Variants in ATP6V1E2 observed in about 807,000 individuals in gnomAD.
ATP6V1E2 encodes V-type proton ATPase subunit E 2.
For missense variants in ATP6V1E2, 308 were observed against 273.3 expected (o/e 1.13, Z -0.90); for synonymous variants, 121 against 104.2 (o/e 1.16, Z -0.98).
chr2:46,540,315 G>T lies in ATP6V1E2; in HGVS notation c.-310+1075C>A, dbSNP rs145727956. On this transcript the variant is annotated intron_variant, in intron 2 of 4. Coordinates refer to ENST00000522587, the MANE Select transcript of ATP6V1E2 (RefSeq NM_001318063.2). ...CACATGCCTGTAATCCCAGCTACTT[G>T]GAGGCTGAGGCTGGAGAATCACTTG... Among the ~76,000 whole-genome samples the T allele has an allele frequency of 3.2e-3, 490 of 152,102 alleles. 5 individuals carry two copies. The highest frequency in any genetic ancestry group is 0.011 in the African/African-American group (465 of 41,466).
chr2:46,521,685 T>C (rs1666635109), intron 4 of ATP6V1E2, among the ~76,000 whole-genome samples: 1 of 152,124 alleles, frequency 6.6e-6, no homozygotes, highest in East Asian at 1.9e-4. Context: ...TCTGTCTTTC[T>C]TTCTTCTCTT....
chr2:46,533,266 GT>G (rs1667278604), intron 4 of ATP6V1E2, among the ~76,000 whole-genome samples: 1 of 150,696 alleles, frequency 6.6e-6, no homozygotes, highest in African/African-American at 2.4e-5. Context: ...ATGGTTTGGG[GT>G]TTTTTTGTTT....
At chr2:46,537,523 T>C (rs1375349081) in intron 2 of ATP6V1E2, 1 of 151,820 alleles carries the variant, frequency 6.6e-6, no homozygotes, top group Non-Finnish European at 1.5e-5. Context: ...CCATTTTGCT[T>C]CCAGGAAAGA....
chr2:46,516,568 T>G (rs530245876), intron 4 of ATP6V1E2, among the ~76,000 whole-genome samples: 10 of 152,298 alleles, frequency 6.6e-5, no homozygotes, highest in Non-Finnish European at 8.8e-5. Context: ...CACTCCAGTC[T>G]GGGCAACAGA....
At chr2:46,538,679 G>C (rs1419045384) in intron 2 of ATP6V1E2, among the ~76,000 whole-genome samples, 1 of 152,046 alleles carries the variant, frequency 6.6e-6, no homozygotes, top group Non-Finnish European at 1.5e-5. Flanking sequence ...GCTTCTCTCT[G>C]CACTTTAGCT....
chr2:46,523,206 G>C (rs898690086), intron 4 of ATP6V1E2, among the ~76,000 whole-genome samples: 8 of 152,064 alleles, frequency 5.3e-5, no homozygotes, highest in African/African-American at 1.9e-4. Context: ...TCTGATGATA[G>C]TTTCTTTTGC....
chr2:46,527,424 T>C (rs533806939), intron 4 of ATP6V1E2, among the ~76,000 whole-genome samples: 39 of 152,300 alleles, frequency 2.6e-4, no homozygotes, highest in African/African-American at 9.4e-4. Flanking sequence ...GGTTTCACCA[T>C]GTTAGCCAGG....
intron 2 of ATP6V1E2, 59 bp downstream of exon 2, chr2:46,541,331 C>G (rs1342709310): frequency 6.6e-6 from 1 of 152,254 alleles, no homozygotes; most frequent in Non-Finnish European, 1.5e-5. Context: ...GTCGCAGACA[C>G]GCAGGGCCAA....
rs541025098 is a variant in ATP6V1E2, at chr2:46,525,477, G to GAA, written c.-102+10334_-102+10335dup. ...ACTCCGTCTCAAAAAAAAAAAAAAA[G>GAA]AAAAAAAAAAAAGAAAGCAGGGACA... is the stretch of plus-strand genomic sequence containing the variant. On this transcript the variant is annotated intron_variant, in intron 4 of 4. Coordinates refer to ENST00000522587, the MANE Select transcript of ATP6V1E2 (RefSeq NM_001318063.2). 1.2e-3 allele frequency among the ~76,000 whole-genome samples: 154 copies of GAA among 126,518 alleles called. 2 individuals are homozygous for GAA. The highest frequency in any genetic ancestry group is 4.4e-3 in the Middle Eastern group (1 of 226). The allele number at this position is 126,518 out of a possible 152,430, so 83.0% of individuals were successfully genotyped here.
At chr2:46,526,784 G>T (rs141830034) in intron 4 of ATP6V1E2, among the ~76,000 whole-genome samples, 5 of 152,144 alleles carry the variant, frequency 3.3e-5, no homozygotes, top group African/African-American at 1.2e-4. Flanking sequence ...TCCATTCATA[G>T]AGACTTGGGG....
At chr2:46,518,490 A>AACACACACACACACACACACACAC (rs10546147) in intron 4 of ATP6V1E2, among the ~76,000 whole-genome samples, 88 of 141,010 alleles carry the variant, frequency 6.2e-4, no homozygotes, top group African/African-American at 2.2e-3. Context: ...ACACACACAC[A>AACACACACACACACACACACACAC]ACACACACAC....
intron 4 of ATP6V1E2, among the ~76,000 whole-genome samples, chr2:46,521,256 T>C (rs2012022): frequency 0.59 from 89,474 of 152,022 alleles, 27,128 homozygotes; most frequent in East Asian, 0.84. Context: ...AATCTCTTCT[T>C]GGGCCCTTGC....
At chr2:46,534,146 C>A (rs1473453874) in intron 4 of ATP6V1E2, among the ~76,000 whole-genome samples, 1 of 152,202 alleles carries the variant, frequency 6.6e-6, no homozygotes, top group African/African-American at 2.4e-5. Flanking sequence ...TTTTGGCCTT[C>A]AAATCATCAC....
In ATP6V1E2 at chr2:46,533,224, T is replaced by TAGAC; in HGVS notation, c.-102+2588_-102+2589insGTCT. The stretch of plus-strand genomic sequence containing the variant: ...ATGTGTAGATAGATAGATAGATAGA[T>TAGAC]AGATAGATAGATAGATAGATAGATA... On this transcript the variant is annotated intron_variant, in intron 4 of 4. Transcript: ENST00000522587. 2.0e-5 allele frequency among the ~76,000 whole-genome samples: 3 copies of TAGAC among 150,382 alleles called. No individual in the cohort carries two copies. The Middle Eastern group carries it at 0.01, about 522-fold the overall frequency.
intron 4 of ATP6V1E2, among the ~76,000 whole-genome samples, chr2:46,524,840 T>A (rs1478031042): frequency 3.3e-5 from 5 of 152,106 alleles, no homozygotes; most frequent in Non-Finnish European, 7.4e-5. Flanking sequence ...CAGAGGACAA[T>A]GTCTAGAAAG....
At chr2:46,522,386 C>G (rs1424231768) in intron 4 of ATP6V1E2, among the ~76,000 whole-genome samples, 2 of 152,028 alleles carry the variant, frequency 1.3e-5, no homozygotes, top group African/African-American at 2.4e-5. Flanking sequence ...TGTAAGTTTC[C>G]TCCCCTAACC....
intron 4 of ATP6V1E2, among the ~76,000 whole-genome samples, chr2:46,516,740 TA>T (rs36060544): frequency 0.55 from 82,938 of 150,718 alleles, 23,094 homozygotes; most frequent in East Asian, 0.81. Context: ...AACTCTATAT[TA>T]AAAAAAAAAA....
At chr2:46,538,440 A>G (rs936122453) in intron 2 of ATP6V1E2, among the ~76,000 whole-genome samples, 1 of 152,088 alleles carries the variant, frequency 6.6e-6, no homozygotes, top group African/African-American at 2.4e-5. Flanking sequence ...ATATAATATT[A>G]TAATAGGATT....
intron 2 of ATP6V1E2, among the ~76,000 whole-genome samples, chr2:46,539,845 C>G (rs1667639583): frequency 6.6e-6 from 1 of 152,222 alleles, no homozygotes; most frequent in South Asian, 2.1e-4. Flanking sequence ...CCTCAACACA[C>G]CTGGACCTAT....
Sources: gnomAD v4.1 joint callset for allele counts (sites outside exome capture counted in the v4.1 genomes callset) on GRCh38, gnomAD v4.1.1 for gene constraint, MANE v1.5 for transcripts, NCBI Gene and HGNC (gene_info 2026-07-23, HGNC 2026-07-21) for gene names.